Variants in XKR6 observed in about 807,000 individuals in gnomAD.
XKR6 encodes XK related 6, also known as XK-related protein 6.
Under a neutral mutation model 56.7 loss-of-function variants are expected in XKR6, and 22 were observed. The ratio of observed to expected loss-of-function variants is 0.39; its 90% CI spans 0.28 to 0.55. XKR6 has a LOEUF of 0.55. XKR6 is among the 20% of genes least tolerant of loss of function. The pLI is 0.66. For missense variants in XKR6, 852 were observed against 889.0 expected (o/e 0.96, Z 0.53); for synonymous variants, 524 against 387.8 (o/e 1.35, Z -4.13).
intron 1 of XKR6, among the ~76,000 whole-genome samples, chr8:11,174,055 T>C (rs1802526294): frequency 6.6e-6 from 1 of 152,244 alleles, no homozygotes; most frequent in Non-Finnish European, 1.5e-5. Context: ...CTTTGTACAT[T>C]TGCTTTAAAA....
At chr8:11,193,768 T>G (rs1448838235) in intron 1 of XKR6, among the ~76,000 whole-genome samples, 1 of 134,100 alleles carries the variant, frequency 7.5e-6, no homozygotes, top group Non-Finnish European at 1.6e-5. Context: ...GAAATTAACC[T>G]TGGTAAACAA....
At chr8:11,086,411 T>C (rs1001182598) in intron 1 of XKR6, among the ~76,000 whole-genome samples, 2 of 152,126 alleles carry the variant, frequency 1.3e-5, no homozygotes, top group African/African-American at 2.4e-5. Context: ...TATCCATAAA[T>C]GGCAGCCTTC....
chr8:11,157,547 T>C (rs1801582497), intron 1 of XKR6, among the ~76,000 whole-genome samples: 1 of 152,154 alleles, frequency 6.6e-6, no homozygotes, highest in Non-Finnish European at 1.5e-5. Flanking sequence ...ATGCAGTCTC[T>C]CTCTGTTGCC....
chr8:11,013,484 G>C (rs1330790258), intron 1 of XKR6, among the ~76,000 whole-genome samples: 1 of 152,154 alleles, frequency 6.6e-6, no homozygotes, highest in African/African-American at 2.4e-5. Flanking sequence ...ACTCTGTCTG[G>C]GTCAGCCTGG....
chr8:10,975,483 C>G (rs545069416), intron 1 of XKR6, among the ~76,000 whole-genome samples: 2 of 152,268 alleles, frequency 1.3e-5, no homozygotes, highest in Non-Finnish European at 2.9e-5. Context: ...TGCTTGCCCA[C>G]TGCGAGAGTT....
At chr8:11,052,303 AC>A (rs1378533295) in intron 1 of XKR6, among the ~76,000 whole-genome samples, 1 of 151,480 alleles carries the variant, frequency 6.6e-6, no homozygotes, top group Non-Finnish European at 1.5e-5. Flanking sequence ...CTAAAACAAC[AC>A]CCCCATCCCA....
chr8:11,069,211 G>A (rs1383880102), intron 1 of XKR6, among the ~76,000 whole-genome samples: 1 of 151,038 alleles, frequency 6.6e-6, no homozygotes, highest in Non-Finnish European at 1.5e-5. Flanking sequence ...AGGCAGGCAG[G>A]TTCCACTCTC....
intron 1 of XKR6, chr8:11,106,205 AGGTTCATGTGG>A (rs1252735348): frequency 4.6e-5 from 7 of 152,324 alleles, no homozygotes; most frequent in Admixed American, 4.6e-4. Context: ...GGTTCAATGC[AGGTTCATGTGG>A]GACTGCAAAT....
chr8:11,104,655 C>G (rs759653888), intron 1 of XKR6: 1 of 152,160 alleles, frequency 6.6e-6, no homozygotes, highest in African/African-American at 2.4e-5. Context: ...TGTAGATGAT[C>G]AGAAATAAAA....
chr8:10,906,068 CAA>C (rs1800181111), intron 2 of XKR6, among the ~76,000 whole-genome samples: 1 of 152,188 alleles, frequency 6.6e-6, no homozygotes, highest in Non-Finnish European at 1.5e-5. Flanking sequence ...AGCTAGTAAG[CAA>C]GAGAGCTCAT....
chr8:11,106,619 T>G (rs1302403008), intron 1 of XKR6: 1 of 152,104 alleles, frequency 6.6e-6, no homozygotes, highest in South Asian at 2.1e-4. Flanking sequence ...GAGGCTGAGG[T>G]GGGCAGATCA....
At chr8:10,984,726 C>CTATATA (rs1403239181) in intron 1 of XKR6, among the ~76,000 whole-genome samples, 88 of 70,278 alleles carry the variant, frequency 1.3e-3, no homozygotes, top group African/African-American at 4.7e-3. Context: ...CTCTCTCTCT[C>CTATATA]TCTCTCTATA....
chr8:10,946,082 C>A (rs916178661), intron 1 of XKR6, among the ~76,000 whole-genome samples: 1 of 152,036 alleles, frequency 6.6e-6, no homozygotes, highest in African/African-American at 2.4e-5. Context: ...GGGAAGGCCA[C>A]TTTGACCTCA....
chr8:11,135,294 G>A (rs1344447680), intron 1 of XKR6, among the ~76,000 whole-genome samples: 1 of 152,142 alleles, frequency 6.6e-6, no homozygotes, highest in African/African-American at 2.4e-5. Context: ...CTCCCAAAGT[G>A]CTGGGATTAC....
intron 1 of XKR6, among the ~76,000 whole-genome samples, chr8:11,062,422 C>T (rs974545607): frequency 2.6e-5 from 4 of 152,192 alleles, no homozygotes; most frequent in Non-Finnish European, 5.9e-5. Context: ...AGCCCCAACT[C>T]TCCTTATCTC....
At chr8:11,197,944 G>C (rs766260935) in intron 1 of XKR6, among the ~76,000 whole-genome samples, 1 of 152,158 alleles carries the variant, frequency 6.6e-6, no homozygotes, top group Non-Finnish European at 1.5e-5. Flanking sequence ...CGGGTTAATG[G>C]AATCAGTTTT....
chr8:11,099,419 G>A (rs906814728), intron 1 of XKR6, among the ~76,000 whole-genome samples: 1 of 152,240 alleles, frequency 6.6e-6, no homozygotes, highest in Non-Finnish European at 1.5e-5. Context: ...GGGAATTTTA[G>A]GCTCTGGCTT....
chr8:11,169,166 T>C (rs149080046), intron 1 of XKR6, among the ~76,000 whole-genome samples: 1,928 of 152,066 alleles, frequency 0.013, 18 homozygotes, highest in Middle Eastern at 0.041. Context: ...TCTAGCCTCA[T>C]AGTTGGCAAC....
chr8:10,912,220 C>CAG (rs1256322952), intron 2 of XKR6, among the ~76,000 whole-genome samples: 1 of 121,260 alleles, frequency 8.2e-6, no homozygotes, highest in Non-Finnish European at 1.7e-5. Context: ...TGTATATATA[C>CAG]AGAGAGAGAG....
Sources: gnomAD v4.1 joint callset for allele counts (sites outside exome capture counted in the v4.1 genomes callset) on GRCh38, gnomAD v4.1.1 for gene constraint, MANE v1.5 for transcripts, NCBI Gene and HGNC (gene_info 2026-07-23, HGNC 2026-07-21) for gene names.